Variants in NID1 observed in about 807,000 individuals in gnomAD.
The protein encoded by NID1 is nidogen 1.
Under a neutral mutation model 130.6 loss-of-function variants are expected in NID1, and 76 were observed. The ratio of observed to expected loss-of-function variants is 0.58; its 90% confidence interval spans 0.48 to 0.70. NID1 has a LOEUF of 0.70. Among genes scored for constraint, NID1 ranks in the 30% least tolerant of loss-of-function variants. The probability of loss-of-function intolerance (pLI) is 0.00; values close to 1 mark genes in which losing one functional copy is unlikely to be tolerated. For synonymous variants in NID1, 665 were observed against 675.1 expected, an observed-to-expected ratio of 0.98 and a Z score of 0.23; for missense variants, 1,517 against 1,664.8, an observed-to-expected ratio of 0.91 and a Z score of 1.54.
At chr1:236,017,366 G>C in intron 9 of NID1, 93 bp from the exon 10 acceptor site, 2 of 1,373,728 alleles carry the variant, frequency 1.5e-6, no homozygotes, top group Non-Finnish European at 9.9e-7. Flanking sequence ...CCTAAGAATA[G>C]ATCAATTTTA....
intron 1 of NID1, among the ~76,000 whole-genome samples, chr1:236,063,873 G>T (rs1431095504): frequency 6.6e-6 from 1 of 152,214 alleles, no homozygotes; most frequent in Non-Finnish European, 1.5e-5. Flanking sequence ...CAACCAACAT[G>T]GGGGAGGGCT....
At position 236,020,063 on chromosome 1, in the gene NID1, AAC is replaced by A. The variant is rs869069514; in HGVS notation, c.2129-2792_2129-2791del. On this transcript the variant is annotated intron_variant, in intron 9 of 19. Coordinates refer to ENST00000264187, the MANE Select transcript of NID1 (RefSeq NM_002508.3). ...AAAAAAAAAAAAAAAAAAAAACAAA[AAC>A]AAACTTCTTTTCTATAAATTGAAGC... is the stretch of plus-strand genomic sequence containing the variant. Among the ~76,000 whole-genome samples, 77 of 143,908 alleles carry A rather than the reference AAC, an allele frequency of 5.4e-4. 11 individuals carry two copies. The highest frequency in any genetic ancestry group is 7.2e-4 in the South Asian group (3 of 4,174). 94.4% of individuals were successfully genotyped at this position (143,908 alleles called of 152,430 possible).
intron 1 of NID1, among the ~76,000 whole-genome samples, chr1:236,056,872 T>C (rs1351425288): frequency 6.6e-6 from 1 of 150,890 alleles, no homozygotes; most frequent in Non-Finnish European, 1.5e-5. Context: ...AGGCACCCCA[T>C]ACAGTGCCCT....
At chr1:236,003,687 T>C (rs559383497) in intron 12 of NID1, among the ~76,000 whole-genome samples, 2 of 152,260 alleles carry the variant, frequency 1.3e-5, no homozygotes, top group East Asian at 3.9e-4. Flanking sequence ...CTGGCAAATA[T>C]GGTGAAACCC....
chr1:236,042,373 G>A (rs2102840551), intron 3 of NID1, 81 bp from the exon 4 acceptor site: 1 of 1,522,244 alleles, frequency 6.6e-7, no homozygotes, highest in Non-Finnish European at 8.8e-7. Flanking sequence ...GGAGCCCTGA[G>A]GATCTGTGTT....
At chr1:236,022,529 G>A (rs933356836) in intron 9 of NID1, among the ~76,000 whole-genome samples, 1 of 150,928 alleles carries the variant, frequency 6.6e-6, no homozygotes, top group African/African-American at 2.4e-5. Context: ...TAGTAGAGAC[G>A]GGGTTTCACC....
chr1:235,978,013 A>G lies in NID1; in HGVS notation c.3623-25T>C, dbSNP rs1202902262. 3 of 1,612,402 alleles carry G rather than the reference A, an allele frequency of 1.9e-6. No individual in the cohort carries two copies. In the South Asian group the frequency reaches 3.3e-5, roughly 18 times the overall value. ...CCTGGAAAAGGCAGAAATCAGTTCA[A>G]TAGCCCTCTCTCTGATCTGACTCCA... On this transcript the variant is annotated intron_variant, in intron 19 of 19. Transcript: ENST00000264187.
chr1:236,046,174 G>A (rs1659596509), intron 2 of NID1, among the ~76,000 whole-genome samples: 1 of 152,190 alleles, frequency 6.6e-6, no homozygotes, highest in South Asian at 2.1e-4. Flanking sequence ...ATTATTATGT[G>A]ACTTGGGCGT....
intron 9 of NID1, among the ~76,000 whole-genome samples, chr1:236,018,163 G>A (rs1007178171): frequency 2.0e-5 from 3 of 152,166 alleles, no homozygotes; most frequent in African/African-American, 7.2e-5. Flanking sequence ...CCATCATGGG[G>A]TAACGTGGAG....
chr1:236,016,469 G>C (rs747304295), intron 10 of NID1, among the ~76,000 whole-genome samples: 1 of 152,148 alleles, frequency 6.6e-6, no homozygotes, highest in African/African-American at 2.4e-5. Flanking sequence ...ATTTGACATG[G>C]CACCCTCCAG....
chr1:236,018,395 G>A (rs1355458617), intron 9 of NID1, among the ~76,000 whole-genome samples: 2 of 152,208 alleles, frequency 1.3e-5, no homozygotes, highest in African/African-American at 4.8e-5. Context: ...ACCCAGCTAT[G>A]ATTATACTAA....
chr1:236,008,865 C>T (rs1034247756), intron 12 of NID1, among the ~76,000 whole-genome samples: 1 of 151,962 alleles, frequency 6.6e-6, no homozygotes, highest in African/African-American at 2.4e-5. Flanking sequence ...GGGGTTTCTC[C>T]GTGTTGGTCA....
intron 6 of NID1, 150 bp downstream of exon 6, chr1:236,032,251 A>G: frequency 1.1e-6 from 1 of 888,032 alleles, no homozygotes; most frequent in East Asian, 2.4e-5. Flanking sequence ...TCCAAGACAG[A>G]ACTACAGGAT....
intron 15 of NID1, among the ~76,000 whole-genome samples, chr1:235,984,398 A>G (rs1657518690): frequency 6.6e-6 from 1 of 152,228 alleles, no homozygotes. Flanking sequence ...TACTGAAGGC[A>G]ACAAAGAAGG....
intron 7 of NID1, among the ~76,000 whole-genome samples, chr1:236,028,390 C>T (rs1436583526): frequency 6.6e-6 from 1 of 152,130 alleles, no homozygotes; most frequent in Non-Finnish European, 1.5e-5. Context: ...TGCCTGTAGT[C>T]CCAGGTACTC....
intron 1 of NID1, among the ~76,000 whole-genome samples, chr1:236,049,700 C>A (rs1659706619): frequency 6.6e-6 from 1 of 152,080 alleles, no homozygotes; most frequent in Non-Finnish European, 1.5e-5. Context: ...TCACCATATT[C>A]CAGGCATTTT....
In NID1 at chr1:236,036,657, G is replaced by A. The variant is rs372530642; in HGVS notation, c.1285+1447C>T. On this transcript the variant is annotated intron_variant, in intron 5 of 19. Transcript: ENST00000264187. ...GAAATGGGGCCTTTCTGAGCTGATT[G>A]GGTCATGAGGGCTCTGCCCTGAAGA... Among the ~76,000 whole-genome samples the A allele has an allele frequency of 5.9e-5, 9 of 152,316 alleles. No individual in the cohort carries two copies. In the South Asian group the frequency reaches 1.2e-3, roughly 21 times the overall value.
chr1:236,061,471 T>G (rs1465147609), intron 1 of NID1, among the ~76,000 whole-genome samples: 1 of 151,820 alleles, frequency 6.6e-6, no homozygotes, highest in African/African-American at 2.4e-5. Context: ...CTTTTTTTTG[T>G]TTTTTTTGAG....
In NID1 at chr1:236,024,148, C is replaced by A. The variant is rs1009117561; in HGVS notation, c.2050G>T (p.Ala684Ser). 1 of 1,614,128 alleles carries A rather than the reference C, an allele frequency of 6.2e-7. No individual in the cohort carries two copies. Residue 684 changes from alanine (A) to serine (S), a missense_variant, in exon 9 of 20, where the codon GCC (alanine) becomes TCC (serine). By Grantham distance (99) the Ala-to-Ser change is moderately conservative (BLOSUM62 1). Around this residue, in one of 3 missense-constraint regions of NID1, gnomAD observed 1,329 missense variants for 1,429.2 expected, o/e 0.93. Coordinates refer to ENST00000264187, the MANE Select transcript of NID1 (RefSeq NM_002508.3). Reference sequence around the variant, plus strand: ...TGTGTCCTGGGACCAGGGCGACAGGCCGCGTTGGTGTCACACCCATGAGTG... The same window carrying A: ...TGTGTCCTGGGACCAGGGCGACAGGACGCGTTGGTGTCACACCCATGAGTG... ...IGTHGCDTNA[A>S]CRPGPRTQFT... is the part of the protein sequence containing the mutation.
Sources: allele counts gnomAD v4.1 joint callset (sites outside exome capture counted in the v4.1 genomes callset), GRCh38; gene constraint gnomAD v4.1.1; regional missense constraint gnomAD v4.1.1; transcripts MANE v1.5; gene names NCBI Gene and HGNC (gene_info 2026-07-23, HGNC 2026-07-21).